RERE: variants seen among roughly 807,000 people sequenced by gnomAD.
RERE encodes the protein arginine-glutamic acid dipeptide repeats protein.
Under a neutral mutation model 146.1 loss-of-function variants are expected in RERE, and 40 were observed. That is an observed-to-expected ratio of 0.27 (90% confidence interval 0.21 to 0.36). The LOEUF is 0.36. RERE is among the 10% of genes least tolerant of loss of function. The pLI is 1.00. For synonymous variants in RERE, 1,003 were observed against 866.0 expected, an observed-to-expected ratio of 1.16 and a Z score of -2.78; for missense variants, 1,933 against 2,138.7, an observed-to-expected ratio of 0.90 and a Z score of 1.90.
intron 12 of RERE, among the ~76,000 whole-genome samples, chr1:8,379,887 C>T (rs1017726206): frequency 2.0e-5 from 3 of 152,166 alleles, no homozygotes; most frequent in Non-Finnish European, 2.9e-5. Context: ...GGGAAGCCTG[C>T]GGGGCTGGGT....
At chr1:8,577,532 G>A (rs947330714) in intron 4 of RERE, among the ~76,000 whole-genome samples, 7 of 152,096 alleles carry the variant, frequency 4.6e-5, no homozygotes, top group African/African-American at 1.7e-4. Context: ...GAAGTTACAC[G>A]TTTTCAACTG....
At chr1:8,422,030 A>G (rs1189429344) in intron 12 of RERE, among the ~76,000 whole-genome samples, 2 of 152,182 alleles carry the variant, frequency 1.3e-5, no homozygotes, top group East Asian at 3.9e-4. Flanking sequence ...GGGAAATGAG[A>G]ATGAATCCCT....
chr1:8,458,602 C>T (rs1408728471), intron 11 of RERE, among the ~76,000 whole-genome samples: 1 of 152,094 alleles, frequency 6.6e-6, no homozygotes, highest in Admixed American at 6.5e-5. Context: ...CATACACACA[C>T]ACGGCCCTAA....
intron 1 of RERE, among the ~76,000 whole-genome samples, chr1:8,695,652 T>C (rs535055310): frequency 4.8e-5 from 7 of 146,570 alleles, no homozygotes; most frequent in East Asian, 2.0e-4. Flanking sequence ...TCCCAGCTAC[T>C]TGGGAGGCTG....
chr1:8,670,131 T>C (rs1350434838), intron 1 of RERE, among the ~76,000 whole-genome samples: 1 of 152,218 alleles, frequency 6.6e-6, no homozygotes, highest in African/African-American at 2.4e-5. Context: ...GGTGTGATTC[T>C]AGGTTGACCA....
Position 8,804,910 on chromosome 1 carries a change from T to TA in RERE, c.-145+12249dup, listed in dbSNP as rs1218424720. 4.6e-5 allele frequency among the ~76,000 whole-genome samples: 7 copies of TA among 152,166 alleles called. No homozygotes were observed. In the East Asian group the frequency reaches 1.2e-3, roughly 25 times the overall value. On this transcript the variant is annotated intron_variant, in intron 1 of 22. Coordinates refer to ENST00000400908, the MANE Select transcript of RERE (RefSeq NM_001042681.2). ...GGTTTCTACCACTCACTGCTGAATC[T>TA]AATCCTATCTAACACACGGCAAAAT...
intron 1 of RERE, among the ~76,000 whole-genome samples, chr1:8,790,281 A>C (rs751012402): frequency 3.2e-4 from 49 of 152,202 alleles, no homozygotes; most frequent in Non-Finnish European, 6.5e-4. Context: ...CCCAAAAAAA[A>C]TTAAACATGA....
At chr1:8,599,670 G>A (rs1646598421) in intron 4 of RERE, among the ~76,000 whole-genome samples, 1 of 152,156 alleles carries the variant, frequency 6.6e-6, no homozygotes, top group South Asian at 2.1e-4. Context: ...ATCACCAGCT[G>A]AGGCAAATCC....
At chr1:8,577,194 C>T (rs1646306859) in intron 4 of RERE, among the ~76,000 whole-genome samples, 2 of 151,484 alleles carry the variant, frequency 1.3e-5, no homozygotes, top group East Asian at 3.9e-4. Context: ...AAAGAAATTT[C>T]ATATGACTTT....
intron 12 of RERE, among the ~76,000 whole-genome samples, chr1:8,374,290 G>A (rs1642154751): frequency 6.6e-6 from 1 of 152,110 alleles, no homozygotes; most frequent in African/African-American, 2.4e-5. Context: ...TAAATAGGTG[G>A]GGCCAGTCTA....
chr1:8,475,978 A>G (rs1005872439), intron 10 of RERE, among the ~76,000 whole-genome samples: 2 of 152,238 alleles, frequency 1.3e-5, no homozygotes, highest in African/African-American at 4.8e-5. Flanking sequence ...TGCAGAGGGT[A>G]GGGCTTGAGA....
At chr1:8,586,253 C>A (rs1307358949) in intron 4 of RERE, among the ~76,000 whole-genome samples, 1 of 152,088 alleles carries the variant, frequency 6.6e-6, no homozygotes, top group African/African-American at 2.4e-5. Flanking sequence ...CTATAGTGTA[C>A]AGACATCTAC....
At chr1:8,792,716 C>G (rs190214773) in intron 1 of RERE, 52 of 152,368 alleles carry the variant, frequency 3.4e-4, no homozygotes, top group African/African-American at 1.2e-3. Flanking sequence ...AATAGTCAAA[C>G]TCCTCTCTCT....
At chr1:8,418,946 T>G (rs893809292) in intron 12 of RERE, among the ~76,000 whole-genome samples, 1 of 152,136 alleles carries the variant, frequency 6.6e-6, no homozygotes, top group Non-Finnish European at 1.5e-5. Context: ...CACCGGGCGC[T>G]CTGTGACTTA....
At chr1:8,601,736 AAC>A (rs3082091) in intron 4 of RERE, among the ~76,000 whole-genome samples, 7,584 of 140,716 alleles carry the variant, frequency 0.054, 220 homozygotes, top group African/African-American at 0.094. Flanking sequence ...GTCCAAGGTC[AAC>A]ACACACACAC....
At chr1:8,644,601 G>A (rs1647240400) in intron 2 of RERE, among the ~76,000 whole-genome samples, 1 of 151,992 alleles carries the variant, frequency 6.6e-6, no homozygotes, top group African/African-American at 2.4e-5. Flanking sequence ...CAGTTACTTA[G>A]GGTTCAAAAT....
intron 8 of RERE, among the ~76,000 whole-genome samples, chr1:8,503,123 T>A (rs1557662596): frequency 1.3e-5 from 2 of 150,156 alleles, no homozygotes; most frequent in Non-Finnish European, 3.0e-5. Context: ...AATAAATAAA[T>A]AAATAAAAAA....
intron 1 of RERE, among the ~76,000 whole-genome samples, chr1:8,790,647 G>A (rs991507430): frequency 4.6e-5 from 7 of 152,214 alleles, no homozygotes; most frequent in African/African-American, 1.7e-4. Flanking sequence ...GTAGTAGCAC[G>A]ATCTCAGATC....
intron 1 of RERE, among the ~76,000 whole-genome samples, chr1:8,697,977 A>T (rs1294114476): frequency 1.3e-5 from 2 of 152,194 alleles, no homozygotes; most frequent in South Asian, 2.1e-4. Flanking sequence ...TTATAATATT[A>T]TTTATGTATA....
Sources: gnomAD v4.1 joint callset for allele counts (sites outside exome capture counted in the v4.1 genomes callset) on GRCh38, gnomAD v4.1.1 for gene constraint, MANE v1.5 for transcripts, NCBI Gene and HGNC (gene_info 2026-07-23, HGNC 2026-07-21) for gene names.